The following KCNQ5 variants were observed in gnomAD, a reference collection of about 807,000 sequenced individuals.
KCNQ5 encodes the protein potassium voltage-gated channel subfamily Q member 5.
In KCNQ5, 30 loss-of-function variants were observed where a neutral mutation model predicts 98.2. The observed-to-expected ratio is 0.31, with a 90% CI of 0.23 to 0.41. The LOEUF (loss-of-function observed/expected upper bound fraction) is 0.41. KCNQ5 is among the 10% of genes least tolerant of loss of function. KCNQ5 has a pLI of 1.00. For synonymous variants in KCNQ5, 458 were observed against 449.4 expected (o/e 1.02, Z -0.24); for missense variants, 835 against 1,182.5 (o/e 0.71, Z 4.31).
chr6:73,192,836 T>C (rs939024712), intron 13 of KCNQ5, 145 bp downstream of exon 13: 42 of 650,442 alleles, frequency 6.5e-5, no homozygotes, highest in Non-Finnish European at 8.7e-5. Flanking sequence ...TCTTTGTGTG[T>C]AGACAGTGCT....
intron 1 of KCNQ5, chr6:72,987,487 C>T: frequency 1.5e-6 from 1 of 663,688 alleles, no homozygotes; most frequent in Non-Finnish European, 2.9e-6. Flanking sequence ...CTCAAACTTA[C>T]TGGTGGCTTC....
chr6:72,804,326 G>T (rs949055717), intron 1 of KCNQ5, among the ~76,000 whole-genome samples: 2 of 144,626 alleles, frequency 1.4e-5, no homozygotes, highest in Non-Finnish European at 3.0e-5. Flanking sequence ...CCCCTCCACT[G>T]CCCTTCCCTA....
chr6:73,063,725 A>ACATAGAT, intron 3 of KCNQ5, among the ~76,000 whole-genome samples: 1 of 107,008 alleles, frequency 9.3e-6, no homozygotes, highest in South Asian at 3.1e-4. Flanking sequence ...GATAGATGAT[A>ACATAGAT]GATAGATAGA....
At chr6:73,057,386 A>G (rs908124563) in intron 3 of KCNQ5, among the ~76,000 whole-genome samples, 2 of 152,052 alleles carry the variant, frequency 1.3e-5, no homozygotes, top group Admixed American at 1.3e-4. Context: ...TGTAAATGAC[A>G]AGTTAATGGG....
At chr6:72,861,768 G>A (rs1258847213) in intron 1 of KCNQ5, among the ~76,000 whole-genome samples, 1 of 151,394 alleles carries the variant, frequency 6.6e-6, no homozygotes. Flanking sequence ...CATAAAACCT[G>A]GATACATATG....
At chr6:73,143,051 A>T (rs1312655947) in intron 10 of KCNQ5, among the ~76,000 whole-genome samples, 1 of 152,204 alleles carries the variant, frequency 6.6e-6, no homozygotes, top group Non-Finnish European at 1.5e-5. Context: ...AAGAGGTTGA[A>T]GATATGTTCT....
chr6:72,833,770 A>T (rs1395213216), intron 1 of KCNQ5, among the ~76,000 whole-genome samples: 2 of 152,122 alleles, frequency 1.3e-5, no homozygotes, highest in African/African-American at 2.4e-5. Context: ...GGTTTTTTTC[A>T]GTATTTATTT....
intron 3 of KCNQ5, among the ~76,000 whole-genome samples, chr6:73,059,056 C>T (rs1191553967): frequency 6.6e-6 from 1 of 152,190 alleles, no homozygotes; most frequent in Non-Finnish European, 1.5e-5. Context: ...AGTAATCTCA[C>T]TATTGGGTTT....
chr6:72,964,629 G>T lies in KCNQ5; in HGVS notation c.399-39279G>T, dbSNP rs180876433. Among the ~76,000 whole-genome samples, 372 of 152,168 alleles carry T rather than the reference G, an allele frequency of 2.4e-3. 1 individual carries two copies. Among genetic ancestry groups the T allele is most frequent in the South Asian group, 2.7e-3 (13 of 4,828 alleles). ...TTTGCTTTTTAAATAAAAAAGTTAT[G>T]ATACTTAGAATTTTACATATTTTGA... is the stretch of plus-strand genomic sequence containing the variant. On this transcript the variant is annotated intron_variant, in intron 1 of 13. Transcript: ENST00000370398.
At chr6:72,917,692 C>T (rs570100250) in intron 1 of KCNQ5, among the ~76,000 whole-genome samples, 12 of 151,942 alleles carry the variant, frequency 7.9e-5, no homozygotes, top group African/African-American at 2.9e-4. Flanking sequence ...AGGATGGTCT[C>T]GATTTCTTGG....
intron 1 of KCNQ5, among the ~76,000 whole-genome samples, chr6:72,866,873 T>C (rs762190519): frequency 5.3e-5 from 8 of 152,206 alleles, no homozygotes; most frequent in East Asian, 1.9e-4. Context: ...CTCCTTTAAT[T>C]TGGAAAACTA....
At chr6:72,961,339 G>A (rs1767333405) in intron 1 of KCNQ5, among the ~76,000 whole-genome samples, 1 of 152,226 alleles carries the variant, frequency 6.6e-6, no homozygotes, top group African/African-American at 2.4e-5. Flanking sequence ...ACTGGAGGCC[G>A]GGTGCGGTGG....
intron 1 of KCNQ5, among the ~76,000 whole-genome samples, chr6:72,880,311 T>C (rs1778587521): frequency 6.6e-6 from 1 of 152,252 alleles, no homozygotes; most frequent in Admixed American, 6.5e-5. Flanking sequence ...AAACGCCTGC[T>C]TTCTGGCTCA....
chr6:73,100,721 A>T (rs1261338811), intron 5 of KCNQ5, among the ~76,000 whole-genome samples: 1 of 151,864 alleles, frequency 6.6e-6, no homozygotes, highest in East Asian at 1.9e-4. Context: ...TTTTGAAAAG[A>T]TAAACAAAAA....
intron 5 of KCNQ5, among the ~76,000 whole-genome samples, chr6:73,083,694 C>A (rs926122125): frequency 3.9e-5 from 6 of 152,132 alleles, no homozygotes; most frequent in African/African-American, 1.2e-4. Flanking sequence ...ACTAAGCAAC[C>A]AAGTAGCCAT....
chr6:73,079,348 A>G (rs1773669269), intron 5 of KCNQ5, among the ~76,000 whole-genome samples: 1 of 152,230 alleles, frequency 6.6e-6, no homozygotes, highest in African/African-American at 2.4e-5. Flanking sequence ...TGCCAAAATA[A>G]AAATATATCA....
At chr6:72,692,260 T>TAAGCTATAATCAAGGC (rs1768248105) in intron 1 of KCNQ5, among the ~76,000 whole-genome samples, 1 of 152,212 alleles carries the variant, frequency 6.6e-6, no homozygotes, top group Admixed American at 6.5e-5. Flanking sequence ...GAGTACACTG[T>TAAGCTATAATCAAGGC]AAGCTATAAT....
chr6:72,798,090 G>A (rs997685186), intron 1 of KCNQ5, among the ~76,000 whole-genome samples: 1 of 152,142 alleles, frequency 6.6e-6, no homozygotes, highest in South Asian at 2.1e-4. Context: ...GTGAACTGGG[G>A]TGTAAATCCT....
chr6:72,813,739 C>T (rs746512178), intron 1 of KCNQ5, among the ~76,000 whole-genome samples: 1 of 152,174 alleles, frequency 6.6e-6, no homozygotes, highest in Non-Finnish European at 1.5e-5. Flanking sequence ...CTCTCATATA[C>T]TTTAAATCAT....
Sources: allele counts gnomAD v4.1 joint callset (sites outside exome capture counted in the v4.1 genomes callset), GRCh38; gene constraint gnomAD v4.1.1; transcripts MANE v1.5; gene names NCBI Gene and HGNC (gene_info 2026-07-23, HGNC 2026-07-21).